Variants in PCNX1 observed in about 807,000 individuals in gnomAD.
The protein encoded by PCNX1 is pecanex 1.
PCNX1 carries 78 observed loss-of-function variants against 242.2 expected under a neutral mutation model. That is an observed-to-expected ratio of 0.32 (90% CI 0.27 to 0.39). PCNX1 has a LOEUF of 0.39. Ranked by LOEUF, PCNX1 falls within the 10% of genes least tolerant of loss-of-function variation. The probability of loss-of-function intolerance (pLI) is 1.00; values close to 1 mark genes in which losing one functional copy is unlikely to be tolerated. For synonymous variants in PCNX1, 1,024 were observed against 1,032.9 expected (o/e 0.99, Z 0.17); for missense variants, 2,581 against 2,856.5 (o/e 0.90, Z 2.20).
chr14:70,962,034 T>C (rs1250383657), intron 2 of PCNX1, among the ~76,000 whole-genome samples, 192 bp from the exon 3 acceptor site: 1 of 152,184 alleles, frequency 6.6e-6, no homozygotes, highest in East Asian at 1.9e-4. Context: ...AGTGATGTGG[T>C]TATAAAATAG....
chr14:70,957,600 G>A (rs1391804595), intron 2 of PCNX1, among the ~76,000 whole-genome samples: 1 of 152,144 alleles, frequency 6.6e-6, no homozygotes, highest in African/African-American at 2.4e-5. Context: ...TAAATTAATG[G>A]TTGTCTAGGG....
chr14:71,094,953 C>T (rs1175581659), intron 30 of PCNX1, among the ~76,000 whole-genome samples: 2 of 152,106 alleles, frequency 1.3e-5, no homozygotes, highest in Non-Finnish European at 2.9e-5. Flanking sequence ...CAATAAGAAA[C>T]TGTTATGATC....
At position 71,112,694 on chromosome 14, in the gene PCNX1, A is replaced by T. The variant is rs1468993476; in HGVS notation, c.*2759A>T. ...CTGCTTTTTTTCAGTTATGTACAAG[A>T]CTTCAGCATACATTAATGTCTTTAG... On this transcript the variant is annotated 3_prime_UTR_variant, in exon 36 of 36. Coordinates refer to ENST00000304743, the MANE Select transcript of PCNX1 (RefSeq NM_014982.3). 1 of 152,116 alleles carries T rather than the reference A, an allele frequency of 6.6e-6. No homozygotes were observed. The highest frequency in any genetic ancestry group is 2.4e-5 in the African/African-American group (1 of 41,450). 9.4% of individuals were successfully genotyped at this position (152,116 alleles called of 1,614,324 possible).
intron 8 of PCNX1, among the ~76,000 whole-genome samples, chr14:70,997,658 A>AT (rs1223558544): frequency 8.5e-5 from 13 of 152,132 alleles, no homozygotes; most frequent in African/African-American, 3.1e-4. Context: ...GTCTCGCTCT[A>AT]TCGTATTTGA....
chr14:70,913,200 A>C (rs1283108829), intron 1 of PCNX1, among the ~76,000 whole-genome samples: 1 of 152,192 alleles, frequency 6.6e-6, no homozygotes, highest in Non-Finnish European at 1.5e-5. Context: ...CCTGGCTCAT[A>C]TTAGGATCTG....
At chr14:70,930,285 A>G (rs1328109902) in intron 1 of PCNX1, among the ~76,000 whole-genome samples, 1 of 152,162 alleles carries the variant, frequency 6.6e-6, no homozygotes, top group African/African-American at 2.4e-5. Context: ...AGCTGGGGCT[A>G]CAGGCGAATG....
At chr14:71,097,379 T>G (rs2062319779) in intron 30 of PCNX1, among the ~76,000 whole-genome samples, 1 of 152,254 alleles carries the variant, frequency 6.6e-6, no homozygotes, top group African/African-American at 2.4e-5. Flanking sequence ...TTGAGAAATC[T>G]CCAACTGCTT....
rs140239824 is a variant in PCNX1 at position 70,976,264 on chromosome 14, C to T, written c.605-678C>T. Among the ~76,000 whole-genome samples, 1,350 of 152,198 alleles carry T rather than the reference C, an allele frequency of 8.9e-3. 9 individuals are homozygous for T. The highest frequency in any genetic ancestry group is 0.017 in the South Asian group (82 of 4,822). On this transcript the variant is annotated intron_variant, in intron 5 of 35. Coordinates refer to ENST00000304743, the MANE Select transcript of PCNX1 (RefSeq NM_014982.3). ...TTTTGCAGATGAGGAAACAGATTTA[C>T]AGGGGGGTAACCCAAAGTTACCAAG...
intron 2 of PCNX1, among the ~76,000 whole-genome samples, chr14:70,953,968 G>A (rs2057895166): frequency 6.6e-6 from 1 of 152,072 alleles, no homozygotes; most frequent in Non-Finnish European, 1.5e-5. Flanking sequence ...CGCCTGGCTA[G>A]CATTTTTGTG....
intron 1 of PCNX1, among the ~76,000 whole-genome samples, chr14:70,940,038 G>T (rs1272516385): frequency 6.6e-6 from 1 of 152,094 alleles, no homozygotes; most frequent in African/African-American, 2.4e-5. Flanking sequence ...CATGAGATGG[G>T]TCTCCTGAAT....
intron 8 of PCNX1, among the ~76,000 whole-genome samples, chr14:70,996,237 T>C (rs1366674861): frequency 6.6e-6 from 1 of 152,060 alleles, no homozygotes; most frequent in Non-Finnish European, 1.5e-5. Context: ...ACGTTGACTT[T>C]TTTAAAAAAA....
chr14:70,935,432 T>C (rs1488766964), intron 1 of PCNX1, among the ~76,000 whole-genome samples: 1 of 152,192 alleles, frequency 6.6e-6, no homozygotes, highest in Non-Finnish European at 1.5e-5. Flanking sequence ...CACATTTCAG[T>C]GTGTTTTTGG....
intron 29 of PCNX1, 50 bp from the exon 30 acceptor site, chr14:71,089,142 A>G (rs371304953): frequency 7.8e-6 from 11 of 1,418,222 alleles, no homozygotes; most frequent in African/African-American, 4.3e-5. Context: ...AATCAGTGTC[A>G]TGGAAGACCT....
At chr14:70,930,185 A>C (rs970493294) in intron 1 of PCNX1, among the ~76,000 whole-genome samples, 1 of 152,028 alleles carries the variant, frequency 6.6e-6, no homozygotes, top group African/African-American at 2.4e-5. Context: ...CCTAGGCTGG[A>C]GTGCAGTGGC....
chr14:70,908,104 G>T (rs932496402), intron 1 of PCNX1, 101 bp downstream of exon 1: 7 of 1,157,112 alleles, frequency 6.0e-6, no homozygotes, highest in Admixed American at 7.3e-5. Context: ...TCGTCCCCCG[G>T]GGGCCGCCAC....
At chr14:71,053,237 T>C (rs1222006793) in intron 24 of PCNX1, 4 of 452,298 alleles carry the variant, frequency 8.8e-6, no homozygotes, top group South Asian at 4.7e-5. Flanking sequence ...ACTTTTTGGA[T>C]TTAGAACCCC....
At chr14:71,063,364 G>T (rs1179460955) in intron 26 of PCNX1, among the ~76,000 whole-genome samples, 1 of 152,152 alleles carries the variant, frequency 6.6e-6, no homozygotes, top group Non-Finnish European at 1.5e-5. Flanking sequence ...TAGAATATAG[G>T]CAGATTGTAA....
At chr14:71,041,780 C>CTACTATACTATACTA (rs71105759) in intron 19 of PCNX1, among the ~76,000 whole-genome samples, 2,470 of 149,268 alleles carry the variant, frequency 0.017, 30 homozygotes, top group Non-Finnish European at 0.023. Flanking sequence ...GCATTTATTG[C>CTACTATACTATACTA]TACTATACTA....
intron 11 of PCNX1, among the ~76,000 whole-genome samples, chr14:71,014,856 A>C (rs756189757): frequency 6.6e-6 from 1 of 152,186 alleles, no homozygotes; most frequent in Non-Finnish European, 1.5e-5. Context: ...AAAACTGTGA[A>C]TATACATTCA....
Sources: gnomAD v4.1 joint callset for allele counts (sites outside exome capture counted in the v4.1 genomes callset) on GRCh38, gnomAD v4.1.1 for gene constraint, MANE v1.5 for transcripts, NCBI Gene and HGNC (gene_info 2026-07-23, HGNC 2026-07-21) for gene names.